The following SVEP1 variants were observed in gnomAD, a reference collection of about 807,000 sequenced individuals.
The protein encoded by SVEP1 is sushi, von Willebrand factor type A, EGF and pentraxin domain-containing protein 1.
In SVEP1, 164 loss-of-function variants were observed where a neutral mutation model predicts 367.3. The ratio of observed to expected loss-of-function variants is 0.45; its 90% CI spans 0.39 to 0.51. The LOEUF (loss-of-function observed/expected upper bound fraction) is 0.51, where lower values mean the gene tolerates loss of function less well. SVEP1 is among the 20% of genes least tolerant of loss of function. The probability of loss-of-function intolerance (pLI) is 0.00; values close to 1 mark genes in which losing one functional copy is unlikely to be tolerated. For synonymous variants in SVEP1, 1,666 were observed against 1,611.6 expected (o/e 1.03, Z -0.81); for missense variants, 4,117 against 4,425.3 (o/e 0.93, Z 1.98).
At chr9:110,463,307 G>A (rs565404731) in intron 18 of SVEP1, among the ~76,000 whole-genome samples, 1 of 152,062 alleles carries the variant, frequency 6.6e-6, no homozygotes, top group African/African-American at 2.4e-5. Context: ...TCTTGAGTGT[G>A]TACCTACAAA....
chr9:110,406,678 C>T lies in SVEP1; in HGVS notation c.8922G>A (p.Gln2974=), dbSNP rs1460666539. The T allele has an allele frequency of 6.2e-7, 1 of 1,614,022 alleles. No individual in the cohort carries two copies. The highest frequency in any genetic ancestry group is 2.2e-5 in the East Asian group (1 of 44,884). The stretch of plus-strand genomic sequence containing the variant: ...CATGGAGCTTATAACCAGGAAAGCA[C>T]TGATACTGTATATGGCCCCCATGAA... The part of the protein sequence containing the change: ...SFIHGGHIQY[Q]CFPGYKLHGN... The change falls in exon 38 of 48, where the codon CAG becomes CAA. Residue 2974 remains glutamine, a synonymous_variant. Transcript: ENST00000374469.
intron 1 of SVEP1, among the ~76,000 whole-genome samples, chr9:110,560,268 A>C (rs1401972566): frequency 2.0e-5 from 3 of 152,204 alleles, no homozygotes; most frequent in Non-Finnish European, 4.4e-5. Flanking sequence ...GGTGATTAGT[A>C]GGCTATACCA....
At chr9:110,435,530 T>TCTCTCCCAGCTCTATCATTCC (rs1828419759) in intron 28 of SVEP1, among the ~76,000 whole-genome samples, 166 bp from the exon 29 acceptor site, 1 of 152,182 alleles carries the variant, frequency 6.6e-6, no homozygotes, top group African/African-American at 2.4e-5. Flanking sequence ...TCTGTTTCCC[T>TCTCTCCCAGCTCTATCATTCC]CTCTCCCAGC....
In SVEP1 at chr9:110,497,032, C is replaced by T. The variant is rs188766470; in HGVS notation, c.1682-99G>A. 4 of 681,026 alleles carry T rather than the reference C, an allele frequency of 5.9e-6. No homozygotes were observed. In the African/African-American group the frequency reaches 7.2e-5, roughly 12 times the overall value. The allele number at this position is 681,026 out of a possible 1,614,324, so 42.2% of individuals were successfully genotyped here. A position where few individuals can be genotyped will look rare whatever the true frequency, so the allele number is the denominator to read the frequency against. On this transcript the variant is annotated intron_variant, in intron 7 of 47. Coordinates refer to ENST00000374469, the MANE Select transcript of SVEP1 (RefSeq NM_153366.4). ...ATCTAGTTATATTAATACACTGTGACACATTTGTACATCCCAGTTACTGAT... is the reference window on the plus strand; with the variant it reads ...ATCTAGTTATATTAATACACTGTGATACATTTGTACATCCCAGTTACTGAT...
At chr9:110,551,786 A>G (rs1830289929) in intron 1 of SVEP1, among the ~76,000 whole-genome samples, 1 of 152,126 alleles carries the variant, frequency 6.6e-6, no homozygotes, top group Admixed American at 6.6e-5. Flanking sequence ...CTCTGAGGAG[A>G]GGAAGAGGGA....
At chr9:110,555,095 C>A (rs1830339304) in intron 1 of SVEP1, among the ~76,000 whole-genome samples, 1 of 152,084 alleles carries the variant, frequency 6.6e-6, no homozygotes, top group Admixed American at 6.6e-5. Context: ...ACAGTCTCAC[C>A]TCCACGGACA....
At position 110,429,345 on chromosome 9, in the gene SVEP1, T is replaced by C. The variant is rs1217097697; in HGVS notation, c.5616-11A>G. The C allele has an allele frequency of 2.0e-6, 3 of 1,498,090 alleles. No homozygotes were observed. The highest frequency in any genetic ancestry group is 2.4e-5 in the East Asian group (1 of 41,220). 92.8% of individuals were successfully genotyped at this position (1,498,090 alleles called of 1,614,324 possible). ...TATCCTTTATTACACCTAAAGAAGA[T>C]AGAGGAAAATTACAGGATATAATTT... On this transcript the variant is annotated splice_polypyrimidine_tract_variant and intron_variant, in intron 34 of 47. Transcript: ENST00000374469.
intron 44 of SVEP1, among the ~76,000 whole-genome samples, chr9:110,378,373 T>C (rs1827384387): frequency 6.6e-6 from 1 of 152,198 alleles, no homozygotes; most frequent in African/African-American, 2.4e-5. Context: ...ATAGCCCCTG[T>C]TTCTTTTGAG....
chr9:110,404,396 C>T lies in SVEP1; in HGVS notation c.9597G>A (p.Val3199=). 1 of 1,613,992 alleles carries T rather than the reference C, an allele frequency of 6.2e-7. No individual in the cohort carries two copies. The highest frequency in any genetic ancestry group is 8.5e-7 in the Non-Finnish European group (1 of 1,179,894). The stretch of plus-strand genomic sequence containing the variant: ...CACATGACACAGAAACTTGCCTATT[C>T]ACACTGAAATCGTCCCCATGTACAA... ...HILVHGDDFS[V]NRQVSVSCAE... The change falls in exon 39 of 48, where the codon GTG becomes GTA. Residue 3199 remains valine (V), a synonymous_variant. Transcript: ENST00000374469.
intron 5 of SVEP1, among the ~76,000 whole-genome samples, chr9:110,506,762 C>T (rs970801181): frequency 2.0e-5 from 3 of 150,016 alleles, no homozygotes; most frequent in African/African-American, 2.5e-5. Context: ...GAGGGAGGAG[C>T]GTAAAGGAGA....
At chr9:110,462,144 A>AC (rs1179151675) in intron 18 of SVEP1, among the ~76,000 whole-genome samples, 10 of 152,124 alleles carry the variant, frequency 6.6e-5, no homozygotes, top group African/African-American at 2.4e-4. Context: ...AATGAATTAA[A>AC]CTTTTTTTAC....
chr9:110,572,002 T>A (rs1830568843), intron 1 of SVEP1, among the ~76,000 whole-genome samples: 1 of 152,378 alleles, frequency 6.6e-6, no homozygotes, highest in East Asian at 1.9e-4. Context: ...TTCTCTGGGT[T>A]ACACTGTTTG....
At chr9:110,382,257 C>G (rs977678687) in intron 43 of SVEP1, among the ~76,000 whole-genome samples, 1 of 152,096 alleles carries the variant, frequency 6.6e-6, no homozygotes, top group African/African-American at 2.4e-5. Flanking sequence ...TTCAGGAGCT[C>G]TTGCAAGGCA....
rs774999470 is a variant in SVEP1, at chr9:110,407,295, G to A, written c.8305C>T (p.Arg2769Cys). 47 of 1,613,850 alleles carry A rather than the reference G, an allele frequency of 2.9e-5. No homozygotes were observed. Among genetic ancestry groups the A allele is most frequent in the East Asian group, 6.7e-5 (3 of 44,884 alleles). Residue 2769 changes from arginine (R) to cysteine (C), a missense_variant, in exon 38 of 48, where the codon CGC (arginine) becomes TGC (cysteine). Physicochemically the swap from Arg to Cys is radical, Grantham distance 180 (BLOSUM62 -3). Coordinates refer to ENST00000374469, the MANE Select transcript of SVEP1 (RefSeq NM_153366.4). ...TTTTTGCATGAAATGGCTTCACAGC[G>A]TGGGGAGGCACCACTCCACTTTCTA... ...ENRKWSGASPRCEAISCKKPN... is the reference protein window; with the variant it reads ...ENRKWSGASPCCEAISCKKPN...
At chr9:110,578,785 T>C (rs1830655659) in intron 1 of SVEP1, among the ~76,000 whole-genome samples, 1 of 152,168 alleles carries the variant, frequency 6.6e-6, no homozygotes, top group Non-Finnish European at 1.5e-5. Context: ...AAGCCGACTA[T>C]CTAAGGAGCC....
intron 24 of SVEP1, among the ~76,000 whole-genome samples, chr9:110,448,918 G>A (rs1310539648): frequency 1.3e-5 from 2 of 152,184 alleles, no homozygotes; most frequent in East Asian, 3.8e-4. Context: ...GGCTGTTTGT[G>A]GGAGGATGGT....
Position 110,400,925 on chromosome 9 carries a change from A to G in SVEP1, c.9751T>C (p.Phe3251Leu). Residue 3251 changes from phenylalanine to leucine, a missense_variant, in exon 40 of 48, where the codon TTT becomes CTT. Phe to Leu is a conservative substitution (Grantham distance 22, BLOSUM62 0). This residue lies in a region of SVEP1 where 1,765 missense variants were observed against 1,781.1 expected (regional missense o/e 0.99). Coordinates refer to ENST00000374469, the MANE Select transcript of SVEP1 (RefSeq NM_153366.4). ...AAGGTGTATTTACTGCCAACCACAAATCCATGTTCTGGACTTTCAGGTTTC... is the reference window on the plus strand; with the variant it reads ...AAGGTGTATTTACTGCCAACCACAAGTCCATGTTCTGGACTTTCAGGTTTC... ...CGKPESPEHG[F>L]VVGSKYTFES... The G allele has an allele frequency of 6.2e-7, 1 of 1,613,910 alleles. No individual in the cohort carries two copies. Among genetic ancestry groups the G allele is most frequent in the Non-Finnish European group, 8.5e-7 (1 of 1,179,848 alleles).
At chr9:110,413,481 T>C in intron 36 of SVEP1, among the ~76,000 whole-genome samples, 1 of 151,338 alleles carries the variant, frequency 6.6e-6, no homozygotes, top group Non-Finnish European at 1.5e-5. Context: ...GCATGGCACA[T>C]GTATACATAT....
At position 110,407,816 on chromosome 9, in the gene SVEP1, G is replaced by A. The variant is rs758256508; in HGVS notation, c.7784C>T (p.Thr2595Ile). The A allele has an allele frequency of 1.9e-6, 3 of 1,613,964 alleles. No individual in the cohort carries two copies. In the South Asian group the frequency reaches 3.3e-5, roughly 18 times the overall value. ...ACTTGACCATCCTGACTCTTCACAGGTCTGCATGGCATGACCAGCCACCTG... is the reference window on the plus strand; with the variant it reads ...ACTTGACCATCCTGACTCTTCACAGATCTGCATGGCATGACCAGCCACCTG... ...GFQVAGHAMQ[T>I]CEESGWSSSI... is the part of the protein sequence containing the mutation. Residue 2595 changes from threonine (T) to isoleucine (I), a missense_variant, in exon 38 of 48, where the codon ACC becomes ATC. Around this residue, in one of 4 missense-constraint regions of SVEP1, gnomAD observed 1,765 missense variants for 1,781.1 expected, o/e 0.99. Transcript: ENST00000374469.
Sources: allele counts gnomAD v4.1 joint callset (sites outside exome capture counted in the v4.1 genomes callset), GRCh38; gene constraint gnomAD v4.1.1; regional missense constraint gnomAD v4.1.1; transcripts MANE v1.5; gene names NCBI Gene and HGNC (gene_info 2026-07-23, HGNC 2026-07-21).